Variants in HACD2 observed in about 807,000 individuals in gnomAD.
The protein encoded by HACD2 is very-long-chain (3R)-3-hydroxyacyl-CoA dehydratase 2.
In HACD2, 15 loss-of-function variants were observed where a neutral mutation model predicts 31.0. That is an observed-to-expected ratio of 0.48 (90% CI 0.32 to 0.75). The LOEUF is 0.75. Among genes scored for constraint, HACD2 ranks in the 30% least tolerant of loss-of-function variants. The pLI is 0.03. For synonymous variants in HACD2, 115 were observed against 122.2 expected (o/e 0.94, Z 0.39); for missense variants, 283 against 313.0 (o/e 0.90, Z 0.72).
intron 1 of HACD2, among the ~76,000 whole-genome samples, chr3:123,583,270 C>T (rs1290219798): frequency 1.3e-5 from 2 of 152,276 alleles, no homozygotes; most frequent in East Asian, 3.9e-4. Context: ...CACTCCTTAC[C>T]CTCCACCCCA....
intron 3 of HACD2, among the ~76,000 whole-genome samples, chr3:123,562,040 G>T (rs892291704): frequency 6.6e-6 from 1 of 152,182 alleles, no homozygotes; most frequent in African/African-American, 2.4e-5. Context: ...TCAAATTCCT[G>T]ACCTCAGGTG....
intron 5 of HACD2, among the ~76,000 whole-genome samples, chr3:123,500,998 G>A (rs1244882919): frequency 1.3e-5 from 2 of 152,094 alleles, no homozygotes; most frequent in East Asian, 3.9e-4. Flanking sequence ...GCCAAATGTT[G>A]GTAAAGTAGG....
intron 3 of HACD2, among the ~76,000 whole-genome samples, chr3:123,541,269 CA>C (rs960846836): frequency 3.3e-5 from 5 of 150,314 alleles, no homozygotes; most frequent in South Asian, 2.1e-4. Context: ...AGACTCTGTC[CA>C]AAAAAAAAGC....
At chr3:123,501,471 C>G (rs2055901384) in intron 5 of HACD2, among the ~76,000 whole-genome samples, 2 of 152,190 alleles carry the variant, frequency 1.3e-5, no homozygotes. Context: ...GTTTGTGGCT[C>G]ACAATGTGCA....
intron 3 of HACD2, among the ~76,000 whole-genome samples, chr3:123,559,407 G>A (rs1017640977): frequency 6.6e-6 from 1 of 152,174 alleles, no homozygotes; most frequent in Non-Finnish European, 1.5e-5. Context: ...ACTTTGGCAC[G>A]TTTAAACATC....
intron 4 of HACD2, among the ~76,000 whole-genome samples, chr3:123,509,291 C>T (rs2056019968): frequency 6.6e-6 from 1 of 151,848 alleles, no homozygotes; most frequent in Admixed American, 6.6e-5. Context: ...TCACCTGAGC[C>T]CGGAAAGTTA....
At chr3:123,557,111 G>A (rs934413101) in intron 3 of HACD2, among the ~76,000 whole-genome samples, 1 of 152,030 alleles carries the variant, frequency 6.6e-6, no homozygotes, top group African/African-American at 2.4e-5. Flanking sequence ...TCCCTGGGCT[G>A]CGCAGCAGGA....
At chr3:123,503,134 G>A (rs1484974103) in intron 4 of HACD2, among the ~76,000 whole-genome samples, 1 of 152,040 alleles carries the variant, frequency 6.6e-6, no homozygotes, top group East Asian at 1.9e-4. Context: ...GTGTGGTGGC[G>A]TATGCCTGTA....
chr3:123,542,183 G>GTTTT (rs1447867388), intron 3 of HACD2, among the ~76,000 whole-genome samples: 3 of 132,418 alleles, frequency 2.3e-5, no homozygotes, highest in African/African-American at 5.5e-5. Context: ...AATACAAATT[G>GTTTT]TTTTTATCTT....
chr3:123,522,581 A>G (rs1378804), intron 4 of HACD2, among the ~76,000 whole-genome samples: 147,893 of 152,138 alleles, frequency 0.97, 72,050 homozygotes, highest in East Asian at 1. Context: ...TCTTTAAGTG[A>G]AAATGCCACT....
chr3:123,558,430 G>A (rs1322978328), intron 3 of HACD2, among the ~76,000 whole-genome samples: 4 of 152,278 alleles, frequency 2.6e-5, no homozygotes, highest in African/African-American at 9.6e-5. Context: ...ATGTGTCAAT[G>A]TACATTAATC....
intron 3 of HACD2, among the ~76,000 whole-genome samples, chr3:123,546,111 A>G (rs529591092): frequency 1.3e-5 from 2 of 152,336 alleles, no homozygotes; most frequent in South Asian, 4.1e-4. Context: ...GAGGAAAACA[A>G]GATCACGTAC....
At position 123,537,578 on chromosome 3, in the gene HACD2, T is replaced by TACACAC. The variant is rs201885124; in HGVS notation, c.293-9105_293-9104insGTGTGT. Among the ~76,000 whole-genome samples, 909 of 144,382 alleles carry TACACAC rather than the reference T, an allele frequency of 6.3e-3. 8 individuals are homozygous for TACACAC. Among genetic ancestry groups the TACACAC allele is most frequent in the African/African-American group, 0.011 (402 of 37,042 alleles). The allele number at this position is 144,382 out of a possible 152,430, so 94.7% of individuals were successfully genotyped here. On this transcript the variant is annotated intron_variant, in intron 3 of 6. Transcript: ENST00000383657. Reference sequence around the variant, plus strand: ...GACCCTATCTCAAAACAACAACAAATACACATACACACACACACACACACA... The same window carrying TACACAC: ...GACCCTATCTCAAAACAACAACAAATACACACACACATACACACACACACACACACA...
In HACD2 at chr3:123,573,114, T is replaced by C. The variant is rs187712671; in HGVS notation, c.274-5334A>G. ...TACGGTGCAGAGGTCCATAACCAAT[T>C]TGAGTTACATCTACCAATATTTGAT... On this transcript the variant is annotated intron_variant, in intron 2 of 6. Transcript: ENST00000383657. Among the ~76,000 whole-genome samples the C allele has an allele frequency of 1.1e-3, 165 of 152,296 alleles. 1 individual carries two copies. The highest frequency in any genetic ancestry group is 3.8e-3 in the African/African-American group (158 of 41,554).
intron 4 of HACD2, among the ~76,000 whole-genome samples, chr3:123,511,477 T>C (rs1186049809): frequency 6.6e-6 from 1 of 152,180 alleles, no homozygotes; most frequent in Non-Finnish European, 1.5e-5. Flanking sequence ...TGATGTTTAC[T>C]TAGTGTCAAG....
At chr3:123,524,782 C>T (rs776575421) in intron 4 of HACD2, among the ~76,000 whole-genome samples, 20 of 152,046 alleles carry the variant, frequency 1.3e-4, no homozygotes, top group South Asian at 8.3e-4. Flanking sequence ...CCACTGTGCC[C>T]GGCCACCATC....
intron 2 of HACD2, among the ~76,000 whole-genome samples, chr3:123,572,013 C>T (rs556499067): frequency 4.1e-4 from 63 of 152,240 alleles, no homozygotes; most frequent in Admixed American, 7.9e-4. Flanking sequence ...GTCTACATAT[C>T]GTAGGACATC....
At chr3:123,523,240 T>C (rs2056239692) in intron 4 of HACD2, among the ~76,000 whole-genome samples, 1 of 152,156 alleles carries the variant, frequency 6.6e-6, no homozygotes, top group Admixed American at 6.5e-5. Flanking sequence ...TTTTGGCTTC[T>C]ACAAGAGTTG....
chr3:123,496,349 A>G (rs1308356369), intron 6 of HACD2, among the ~76,000 whole-genome samples: 6 of 152,094 alleles, frequency 3.9e-5, no homozygotes, highest in Admixed American at 1.3e-4. Flanking sequence ...TACTGTCACG[A>G]ATATTTTTTG....
Sources: allele counts gnomAD v4.1 joint callset (sites outside exome capture counted in the v4.1 genomes callset), GRCh38; gene constraint gnomAD v4.1.1; transcripts MANE v1.5; gene names NCBI Gene and HGNC (gene_info 2026-07-23, HGNC 2026-07-21).